The following DGKB variants were observed in gnomAD, a reference collection of about 807,000 sequenced individuals.
The protein encoded by DGKB is diacylglycerol kinase beta.
A neutral mutation model predicts 114.3 loss-of-function variants in DGKB; 67 were observed. The observed-to-expected ratio is 0.59, with a 90% CI of 0.48 to 0.72. The LOEUF is 0.72. DGKB is among the 30% of genes least tolerant of loss of function. The pLI is 0.00. For synonymous variants in DGKB, 398 were observed against 323.1 expected (o/e 1.23, Z -2.49); for missense variants, 907 against 975.2 (o/e 0.93, Z 0.93).
chr7:14,904,921 T>C (rs962263619), upstream of DGKB, among the ~76,000 whole-genome samples: 1 of 152,178 alleles, frequency 6.6e-6, no homozygotes, highest in African/African-American at 2.4e-5. Flanking sequence ...GCCAACTTTA[T>C]CCACAAATGG....
At chr7:14,933,690 T>C (rs747437301) in intron 1 of DGKB, among the ~76,000 whole-genome samples, 10 of 152,298 alleles carry the variant, frequency 6.6e-5, no homozygotes, top group Middle Eastern at 6.8e-3. Flanking sequence ...GTCTTATTAA[T>C]ACATGAATTT....
chr7:14,860,513 TA>T (rs1172213258), intron 1 of DGKB, among the ~76,000 whole-genome samples: 1 of 152,016 alleles, frequency 6.6e-6, no homozygotes, highest in East Asian at 1.9e-4. Flanking sequence ...AAGAGGATTT[TA>T]AAAATGGTAT....
chr7:14,445,960 C>T (rs1051316692), intron 21 of DGKB, among the ~76,000 whole-genome samples: 36 of 152,126 alleles, frequency 2.4e-4, no homozygotes, highest in African/African-American at 8.7e-4. Context: ...CTGAAGGGCT[C>T]ACAGATATTT....
chr7:14,558,193 C>A (rs1796142039), intron 20 of DGKB, among the ~76,000 whole-genome samples: 1 of 149,698 alleles, frequency 6.7e-6, no homozygotes, highest in African/African-American at 2.5e-5. Flanking sequence ...TGTATACCTT[C>A]TGTATAGAGG....
intron 1 of DGKB, among the ~76,000 whole-genome samples, chr7:14,959,501 G>A (rs778956384): frequency 1.9e-4 from 28 of 151,232 alleles, no homozygotes; most frequent in Non-Finnish European, 3.7e-4. Context: ...TTTTAAATTT[G>A]GGTATTTACA....
At chr7:14,378,945 T>G (rs1429565030) in intron 21 of DGKB, among the ~76,000 whole-genome samples, 3 of 152,088 alleles carry the variant, frequency 2.0e-5, no homozygotes, top group African/African-American at 7.2e-5. Flanking sequence ...AAGTGGTTGT[T>G]AGCAAAACTG....
rs1815312433 is a variant in DGKB at position 14,359,685 on chromosome 7, G to C, written c.1836-14294C>G. Reference sequence around the variant, plus strand: ...TATGAACAGACACTTCTAAAAAGAAGACATTTATACAGCCAACAGACACAT... The same window carrying C: ...TATGAACAGACACTTCTAAAAAGAACACATTTATACAGCCAACAGACACAT... On this transcript the variant is annotated intron_variant, in intron 21 of 25. Transcript: ENST00000402815. Among the ~76,000 whole-genome samples, 10 of 152,150 alleles carry C rather than the reference G, an allele frequency of 6.6e-5. No individual in the cohort carries two copies. In the South Asian group the frequency reaches 1.9e-3, roughly 28 times the overall value.
At chr7:14,818,658 A>G (rs1014047641) in intron 2 of DGKB, among the ~76,000 whole-genome samples, 2 of 152,244 alleles carry the variant, frequency 1.3e-5, no homozygotes, top group African/African-American at 4.8e-5. Context: ...ACTGAAGAAT[A>G]CAATCACCTC....
intron 5 of DGKB, among the ~76,000 whole-genome samples, chr7:14,735,488 T>A (rs1831575525): frequency 6.6e-6 from 1 of 152,186 alleles, no homozygotes; most frequent in African/African-American, 2.4e-5. Context: ...CTCTGTTTTC[T>A]TGACTGGAGG....
chr7:14,688,532 T>C (rs538203974), intron 9 of DGKB, among the ~76,000 whole-genome samples: 1 of 152,162 alleles, frequency 6.6e-6, no homozygotes, highest in African/African-American at 2.4e-5. Flanking sequence ...AATTTTTCAG[T>C]CAAAATAATT....
At position 14,620,125 on chromosome 7, in the gene DGKB, A is replaced by G. The variant is rs73680498; in HGVS notation, c.1284+1253T>C. Among the ~76,000 whole-genome samples the G allele has an allele frequency of 5.7e-3, 865 of 151,614 alleles. 8 individuals are homozygous for G. The highest frequency in any genetic ancestry group is 0.02 in the African/African-American group (812 of 41,504). Reference sequence around the variant, plus strand: ...AAATTGTGGATAGATTTTATATTTGACAGCTCCTATGAAATTTCTAAACAT... The same window carrying G: ...AAATTGTGGATAGATTTTATATTTGGCAGCTCCTATGAAATTTCTAAACAT... On this transcript the variant is annotated intron_variant, in intron 15 of 25. Coordinates refer to ENST00000402815, the MANE Select transcript of DGKB (RefSeq NM_001350709.2).
intron 17 of DGKB, among the ~76,000 whole-genome samples, chr7:14,585,010 C>T (rs530335625): frequency 6.6e-5 from 10 of 152,064 alleles, no homozygotes; most frequent in South Asian, 2.1e-4. Context: ...CAGCAATCTT[C>T]GCATTTAAAT....
chr7:14,932,004 C>T (rs1785044323), intron 1 of DGKB, among the ~76,000 whole-genome samples: 1 of 152,148 alleles, frequency 6.6e-6, no homozygotes, highest in Non-Finnish European at 1.5e-5. Context: ...GCTGCTGGTT[C>T]CCAGGACCAT....
intron 23 of DGKB, among the ~76,000 whole-genome samples, chr7:14,228,728 A>G (rs1791227602): frequency 6.6e-6 from 1 of 152,034 alleles, no homozygotes; most frequent in Non-Finnish European, 1.5e-5. Context: ...AATTAACACT[A>G]AGATTTTCAG....
At chr7:14,684,286 C>CA (rs1821310929) in intron 10 of DGKB, among the ~76,000 whole-genome samples, 2 of 151,944 alleles carry the variant, frequency 1.3e-5, no homozygotes, top group East Asian at 1.9e-4. Context: ...AACAAACAAA[C>CA]AAAAAACCTA....
chr7:14,609,272 C>A (rs572344593), intron 16 of DGKB, among the ~76,000 whole-genome samples: 19 of 152,062 alleles, frequency 1.2e-4, no homozygotes, highest in Admixed American at 9.9e-4. Flanking sequence ...ACAAGGCCAA[C>A]AAATACAAAA....
intron 17 of DGKB, among the ~76,000 whole-genome samples, chr7:14,597,438 A>T (rs192329194): frequency 3.6e-4 from 55 of 152,306 alleles, no homozygotes; most frequent in African/African-American, 1.3e-3. Context: ...ATAGTTGTAA[A>T]TATAATTTGT....
Position 14,698,139 on chromosome 7 carries a change from G to A in DGKB, c.547C>T (p.His183Tyr), listed in dbSNP as rs1377157721. 1.3e-6 allele frequency: 2 copies of A among 1,534,388 alleles called. No individual in the cohort carries two copies. The highest frequency in any genetic ancestry group is 1.4e-5 in the African/African-American group (1 of 69,890). Residue 183 changes from histidine to tyrosine, a missense_variant, in exon 8 of 26, where the codon CAT becomes TAT. By Grantham distance (83) the His-to-Tyr change is moderately conservative (BLOSUM62 2). This residue lies in a region of DGKB where 814 missense variants were observed against 856.6 expected (regional missense o/e 0.95). Transcript: ENST00000402815. ...ELENIISQMMHVAEYLEWDVT... is the reference protein window; with the variant it reads ...ELENIISQMMYVAEYLEWDVT... ...TCCCACTCAAGGTATTCTGCAACAT[G>A]CATCATCTGACTGATGATATTTTCT...
At chr7:14,681,445 A>ATG (rs1480375645) in intron 12 of DGKB, among the ~76,000 whole-genome samples, 1 of 150,850 alleles carries the variant, frequency 6.6e-6, no homozygotes, top group Non-Finnish European at 1.5e-5. Context: ...GTGTGTGTGT[A>ATG]TGTGTGTGTG....
Sources: allele counts gnomAD v4.1 joint callset (sites outside exome capture counted in the v4.1 genomes callset), GRCh38; gene constraint gnomAD v4.1.1; regional missense constraint gnomAD v4.1.1; transcripts MANE v1.5; gene names NCBI Gene and HGNC (gene_info 2026-07-23, HGNC 2026-07-21).